Variants in ADAMTS19 observed in about 807,000 individuals in gnomAD.
The protein encoded by ADAMTS19 is ADAM metallopeptidase with thrombospondin type 1 motif 19, also known as A disintegrin and metalloproteinase with thrombospondin motifs 19.
In ADAMTS19, 93 loss-of-function variants were observed where a neutral mutation model predicts 153.3. The ratio of observed to expected loss-of-function variants is 0.61; its 90% CI spans 0.51 to 0.72. The LOEUF (loss-of-function observed/expected upper bound fraction) is 0.72, where lower values mean the gene tolerates loss of function less well. ADAMTS19 is among the 30% of genes least tolerant of loss of function. ADAMTS19 has a pLI of 0.00. For missense variants in ADAMTS19, 1,482 were observed against 1,552.1 expected, an observed-to-expected ratio of 0.95 and a Z score of 0.76; for synonymous variants, 600 against 556.6, an observed-to-expected ratio of 1.08 and a Z score of -1.10.
chr5:129,696,564 T>C (rs1755564801), intron 19 of ADAMTS19, among the ~76,000 whole-genome samples: 1 of 152,218 alleles, frequency 6.6e-6, no homozygotes, highest in African/African-American at 2.4e-5. Flanking sequence ...AAGTTGTGGA[T>C]CATGACCCAT....
At position 129,701,474 on chromosome 5, in the gene ADAMTS19, G is replaced by A. The variant is rs2127160914; in HGVS notation, c.3041G>A (p.Ser1014Asn). The A allele has an allele frequency of 1.2e-6, 2 of 1,614,204 alleles. No homozygotes were observed. Among genetic ancestry groups the A allele is most frequent in the East Asian group, 4.5e-5 (2 of 44,884 alleles). Residue 1014 changes from serine (S) to asparagine (N), a missense_variant, in exon 20 of 23, where the codon AGC becomes AAC. Transcript: ENST00000274487. ...SRQVACTQQLSNGTLIRARER... is the reference protein window; with the variant it reads ...SRQVACTQQLNNGTLIRARER... ...CAAGTGGCCTGTACCCAACAACTGA[G>A]CAATGGAACACTGATTAGAGCCCGA...
chr5:129,614,665 A>C (rs1295282369), intron 8 of ADAMTS19, among the ~76,000 whole-genome samples: 1 of 152,148 alleles, frequency 6.6e-6, no homozygotes, highest in East Asian at 1.9e-4. Flanking sequence ...TATTCAATCT[A>C]GTGTTGGAAG....
At chr5:129,684,717 G>A (rs1395990994) in intron 18 of ADAMTS19, among the ~76,000 whole-genome samples, 3 of 151,870 alleles carry the variant, frequency 2.0e-5, no homozygotes, top group Non-Finnish European at 4.4e-5. Flanking sequence ...GCCGGGCGCG[G>A]TGGCTCACGC....
chr5:129,703,393 A>G (rs1215293523), intron 20 of ADAMTS19, among the ~76,000 whole-genome samples: 1 of 152,228 alleles, frequency 6.6e-6, no homozygotes, highest in East Asian at 1.9e-4. Context: ...AATTCCAAAA[A>G]TTATTTAGAA....
intron 10 of ADAMTS19, among the ~76,000 whole-genome samples, chr5:129,631,908 C>T (rs1015412256): frequency 1.3e-5 from 2 of 151,804 alleles, no homozygotes; most frequent in Non-Finnish European, 2.9e-5. Context: ...CTTTATTTCC[C>T]TCTGATCCCC....
chr5:129,493,972 T>C (rs1261626572), intron 2 of ADAMTS19, among the ~76,000 whole-genome samples: 3 of 152,110 alleles, frequency 2.0e-5, no homozygotes, highest in Admixed American at 2.0e-4. Context: ...CTTGGTGGAT[T>C]GCTCTCAAAT....
At chr5:129,619,540 T>C (rs1751682039) in intron 8 of ADAMTS19, among the ~76,000 whole-genome samples, 1 of 152,054 alleles carries the variant, frequency 6.6e-6, no homozygotes, top group African/African-American at 2.4e-5. Flanking sequence ...ATATGTATCA[T>C]GTTAAAGAGC....
rs1757756747 is a variant in ADAMTS19, at chr5:129,738,258, A to T, written c.*1040A>T. On this transcript the variant is annotated 3_prime_UTR_variant, in exon 23 of 23. Coordinates refer to ENST00000274487, the MANE Select transcript of ADAMTS19 (RefSeq NM_133638.6). ...TGAAACGTTCAAAAGCCAGCTTAAA[A>T]TTTTTCTTGTGAGAAAATATTATAC... 2 of 152,126 alleles carry T rather than the reference A, an allele frequency of 1.3e-5. No individual in the cohort carries two copies. Among genetic ancestry groups the T allele is most frequent in the African/African-American group, 4.8e-5 (2 of 41,516 alleles). The allele number at this position is 152,126 out of a possible 1,614,324, so 9.4% of individuals were successfully genotyped here.
chr5:129,638,085 C>T (rs1330871218), intron 10 of ADAMTS19, among the ~76,000 whole-genome samples: 3 of 152,068 alleles, frequency 2.0e-5, no homozygotes, highest in African/African-American at 2.4e-5. Flanking sequence ...TTACCTGTGT[C>T]ACAAATCTTC....
chr5:129,505,171 T>C (rs1466972462), intron 2 of ADAMTS19, among the ~76,000 whole-genome samples: 1 of 152,176 alleles, frequency 6.6e-6, no homozygotes, highest in Middle Eastern at 3.2e-3. Flanking sequence ...TTAAGCCAGT[T>C]CAGTGAAACT....
chr5:129,714,546 C>T (rs1002196862), intron 21 of ADAMTS19, among the ~76,000 whole-genome samples: 11 of 151,784 alleles, frequency 7.2e-5, no homozygotes, highest in Admixed American at 3.3e-4. Context: ...TAAACATGCA[C>T]ACACAGAAGT....
intron 11 of ADAMTS19, among the ~76,000 whole-genome samples, chr5:129,645,140 C>T (rs1753003029): frequency 6.6e-6 from 1 of 152,116 alleles, no homozygotes; most frequent in Admixed American, 6.5e-5. Flanking sequence ...CATGCACTGT[C>T]CCCAGGTGGT....
At chr5:129,591,294 C>CT (rs756970201) in intron 7 of ADAMTS19, among the ~76,000 whole-genome samples, 7,238 of 143,738 alleles carry the variant, frequency 0.05, 494 homozygotes, top group African/African-American at 0.16. Flanking sequence ...TAAAATTACA[C>CT]TTTTTTTTTT....
chr5:129,573,617 CA>C (rs1439381227), intron 7 of ADAMTS19, among the ~76,000 whole-genome samples: 4 of 151,994 alleles, frequency 2.6e-5, no homozygotes, highest in Non-Finnish European at 5.9e-5. Flanking sequence ...ACAAGAAAAG[CA>C]AAGCTGAATG....
chr5:129,626,583 C>A (rs534958576), intron 10 of ADAMTS19, among the ~76,000 whole-genome samples: 3 of 152,146 alleles, frequency 2.0e-5, no homozygotes, highest in South Asian at 4.1e-4. Context: ...TCTTATACTC[C>A]AGTCCCAAAT....
chr5:129,691,749 C>T (rs1452960225), intron 18 of ADAMTS19, among the ~76,000 whole-genome samples: 1 of 152,166 alleles, frequency 6.6e-6, no homozygotes, highest in Non-Finnish European at 1.5e-5. Context: ...CATGCACCTT[C>T]ATACTTTCTT....
At chr5:129,526,187 C>T (rs941329036) in intron 3 of ADAMTS19, 97 bp from the exon 4 acceptor site, 107 of 1,020,192 alleles carry the variant, frequency 1.0e-4, no homozygotes, top group Middle Eastern at 3.2e-4. Context: ...TTATGTGTGT[C>T]GGGAACTTAT....
chr5:129,483,551 A>ATG (rs935974198), intron 2 of ADAMTS19, among the ~76,000 whole-genome samples: 1 of 152,048 alleles, frequency 6.6e-6, no homozygotes, highest in African/African-American at 2.4e-5. Context: ...TCTCCCTGGT[A>ATG]TGTGTGTGTG....
intron 18 of ADAMTS19, among the ~76,000 whole-genome samples, chr5:129,693,811 T>G (rs1234628136): frequency 1.3e-5 from 2 of 152,172 alleles, no homozygotes; most frequent in Admixed American, 1.3e-4. Context: ...AAAGCCAAGT[T>G]TTCTGAAATC....
Sources: allele counts gnomAD v4.1 joint callset (sites outside exome capture counted in the v4.1 genomes callset), GRCh38; gene constraint gnomAD v4.1.1; transcripts MANE v1.5; gene names NCBI Gene and HGNC (gene_info 2026-07-23, HGNC 2026-07-21).